SMIM23: variants seen among roughly 807,000 people sequenced by gnomAD.
SMIM23 encodes the protein CTB-78H18.1.
Under a neutral mutation model 12.8 loss-of-function variants are expected in SMIM23, and 10 were observed. That is an observed-to-expected ratio of 0.78 (90% confidence interval 0.48 to 1.32). The LOEUF (loss-of-function observed/expected upper bound fraction) is 1.32. Ranked by LOEUF, SMIM23 falls within the 40% of genes most tolerant of loss-of-function variation. The pLI, the probability that SMIM23 is intolerant of heterozygous loss-of-function variation, is 0.00. For synonymous variants in SMIM23, 78 were observed against 80.1 expected (o/e 0.97, Z 0.14); for missense variants, 184 against 198.2 (o/e 0.93, Z 0.43).
At chr5:171,785,179 A>C (rs79743290), upstream of SMIM23, among the ~76,000 whole-genome samples, 4,770 of 150,322 alleles carry the variant, frequency 0.032, 94 homozygotes, top group Middle Eastern at 0.072. Context: ...CACACACACA[A>C]ATGAGAACAA....
the SMIM23 span, chr5:171,773,583 A>G: frequency 4.4e-5 from 15 of 337,390 alleles, no homozygotes; most frequent in Admixed American, 6.5e-4. Context: ...TGAAAAATGC[A>G]CAGAAAATGT....
At chr5:171,773,202 A>G in the SMIM23 span, among the ~76,000 whole-genome samples, 1 of 152,128 alleles carries the variant, frequency 6.6e-6, no homozygotes, top group Non-Finnish European at 1.5e-5. Flanking sequence ...CTTGAGTCCG[A>G]CTTTCCTCAT....
chr5:171,785,754 C>A (rs1755803422), upstream of SMIM23: 2 of 775,686 alleles, frequency 2.6e-6, no homozygotes. Flanking sequence ...GCTGTCCCTA[C>A]CTTCTGTGAC....
chr5:171,785,820 G>C lies in SMIM23; in HGVS notation c.-52G>C. 7.0e-7 allele frequency: 1 copy of C among 1,424,944 alleles called. No individual in the cohort carries two copies. Among genetic ancestry groups the C allele is most frequent in the East Asian group, 2.5e-5 (1 of 40,344 alleles). The allele number at this position is 1,424,944 out of a possible 1,614,324, so 88.3% of individuals were successfully genotyped here. A position where few individuals can be genotyped will look rare whatever the true frequency, so the allele number is the denominator to read the frequency against. ...TGACCACAGGTGGGGGAGGGGAAGG[G>C]TGCCCTTCTGTCTGTTGAGTGTGGT... On this transcript the variant is annotated 5_prime_UTR_variant, in exon 1 of 4. Transcript: ENST00000523047.
upstream of SMIM23, among the ~76,000 whole-genome samples, chr5:171,780,609 T>C (rs1269633288): frequency 6.6e-6 from 1 of 152,226 alleles, no homozygotes; most frequent in Admixed American, 6.5e-5. Context: ...ACTTTTGATG[T>C]GCCATAATTA....
chr5:171,790,087 G>T, intron 1 of SMIM23, 143 bp from the exon 2 acceptor site: 1 of 741,060 alleles, frequency 1.3e-6, no homozygotes, highest in Non-Finnish European at 2.2e-6. Flanking sequence ...AAGTAAGTGT[G>T]ACTTAGATAA....
chr5:171,777,391 T>C, the SMIM23 span, among the ~76,000 whole-genome samples: 4 of 152,318 alleles, frequency 2.6e-5, no homozygotes, highest in African/African-American at 9.6e-5. Flanking sequence ...TGTTTTTTTT[T>C]CCTTTTTGGT....
the SMIM23 span, chr5:171,773,755 A>C: frequency 6.6e-6 from 3 of 456,230 alleles, no homozygotes; most frequent in Non-Finnish European, 1.3e-5. Context: ...AAGTGTTGGC[A>C]TGCAGGAACA....
the SMIM23 span, among the ~76,000 whole-genome samples, chr5:171,773,352 C>T: frequency 1.5e-4 from 8 of 55,068 alleles, no homozygotes; most frequent in African/African-American, 1.0e-3. Context: ...CATGGTAGAG[C>T]ACTGGAGATG....
At position 171,790,928 on chromosome 5, in the gene SMIM23, A is replaced by C; in HGVS notation, c.359A>C (p.Asp120Ala). Residue 120 changes from aspartate (D) to alanine (A), a missense_variant, in exon 4 of 4, where the codon GAC becomes GCC. Asp to Ala is a moderately radical substitution (Grantham distance 126, BLOSUM62 -2). Transcript: ENST00000523047. ...CAGCAGCTGGAGCAGCTAGCGTGGG[A>C]CCTGGAACTGTGGCTGGATGCTCTT... Reference protein sequence around the residue: ...EVQQLEQLAWDLELWLDALLG... With the variant: ...EVQQLEQLAWALELWLDALLG... 1 of 1,536,126 alleles carries C rather than the reference A, an allele frequency of 6.5e-7. No individual in the cohort carries two copies. The highest frequency in any genetic ancestry group is 1.7e-4 in the Middle Eastern group (1 of 5,990).
chr5:171,785,029 C>T (rs1379002663), upstream of SMIM23, among the ~76,000 whole-genome samples: 1 of 152,124 alleles, frequency 6.6e-6, no homozygotes, highest in Non-Finnish European at 1.5e-5. Flanking sequence ...GAGTTAAGGA[C>T]AGTGTGGGTG....
chr5:171,776,633 C>A, the SMIM23 span, among the ~76,000 whole-genome samples: 4 of 152,146 alleles, frequency 2.6e-5, no homozygotes, highest in African/African-American at 9.7e-5. Context: ...CATCTCTATG[C>A]CCATGTACAG....
chr5:171,789,428 C>A (rs1451524981), intron 1 of SMIM23, among the ~76,000 whole-genome samples: 1 of 152,044 alleles, frequency 6.6e-6, no homozygotes, highest in African/African-American at 2.4e-5. Context: ...GAATATTAAC[C>A]CAAGAGAAAT....
At chr5:171,779,406 T>C (rs1755689791), upstream of SMIM23, among the ~76,000 whole-genome samples, 1 of 152,230 alleles carries the variant, frequency 6.6e-6, no homozygotes, top group Non-Finnish European at 1.5e-5. Flanking sequence ...TTGCAATGTT[T>C]GTTATAAATA....
At chr5:171,777,763 G>A (rs925597411), upstream of SMIM23, among the ~76,000 whole-genome samples, 31 of 152,118 alleles carry the variant, frequency 2.0e-4, no homozygotes, top group Admixed American at 4.6e-4. Flanking sequence ...AGGGGAGAGC[G>A]GCAACACTCA....
At chr5:171,774,397 G>A in the SMIM23 span, 58 of 456,280 alleles carry the variant, frequency 1.3e-4, 1 homozygote, top group South Asian at 8.7e-4. Context: ...GGTTACACAG[G>A]CAGTTAGCAG....
intron 1 of SMIM23, 97 bp downstream of exon 1, chr5:171,786,073 T>C: frequency 9.9e-7 from 1 of 1,013,042 alleles, no homozygotes; most frequent in Non-Finnish European, 1.5e-6. Flanking sequence ...GAATGAATCT[T>C]GGACCCAACC....
At chr5:171,776,734 AAG>A in the SMIM23 span, among the ~76,000 whole-genome samples, 1 of 152,190 alleles carries the variant, frequency 6.6e-6, no homozygotes. Flanking sequence ...AATTTTCCAT[AAG>A]AGTCTTGGAT....
intron 1 of SMIM23, among the ~76,000 whole-genome samples, chr5:171,789,259 C>T (rs1755878760): frequency 5.9e-5 from 9 of 152,220 alleles, no homozygotes. Flanking sequence ...CTAGAGTTTA[C>T]TGAAGAAGCT....
Sources: gnomAD v4.1 joint callset for allele counts (sites outside exome capture counted in the v4.1 genomes callset) on GRCh38, gnomAD v4.1.1 for gene constraint, MANE v1.5 for transcripts, NCBI Gene and HGNC (gene_info 2026-07-23, HGNC 2026-07-21) for gene names.